REXO1: variants seen among roughly 807,000 people sequenced by gnomAD.
REXO1 encodes REX1, RNA exonuclease 1 homolog.
REXO1 carries 42 observed loss-of-function variants against 102.6 expected under a neutral mutation model. The observed-to-expected ratio is 0.41, with a 90% confidence interval of 0.32 to 0.53. REXO1 has a LOEUF of 0.53. Ranked by LOEUF, REXO1 falls within the 20% of genes least tolerant of loss-of-function variation. The probability of loss-of-function intolerance (pLI) is 0.27; values close to 1 mark genes in which losing one functional copy is unlikely to be tolerated. For missense variants in REXO1, 1,819 were observed against 1,732.5 expected (o/e 1.05, Z -0.89); for synonymous variants, 908 against 779.1 (o/e 1.17, Z -2.76).
At chr19:1,832,419 G>A (rs968276592) in intron 1 of REXO1, among the ~76,000 whole-genome samples, 1 of 152,228 alleles carries the variant, frequency 6.6e-6, no homozygotes, top group Admixed American at 6.5e-5. Flanking sequence ...CTGTACCTGC[G>A]AAGGCGGAAG....
intron 13 of REXO1, 44 bp downstream of exon 13, chr19:1,816,654 G>T: frequency 6.2e-7 from 1 of 1,603,650 alleles, no homozygotes; most frequent in South Asian, 1.1e-5. Flanking sequence ...CCTGGGGAGA[G>T]GCGGCTGGGA....
chr19:1,826,610 G>A lies in REXO1; in HGVS notation c.1911+268C>T, dbSNP rs545499421. On this transcript the variant is annotated intron_variant, in intron 2 of 15. Coordinates refer to ENST00000170168, the MANE Select transcript of REXO1 (RefSeq NM_020695.4). The surrounding 1 kb of genome is among the most constrained non-coding windows in gnomAD (Gnocchi z 4.3). ...GCCAATATCCCCCTGCCAGTCAGTGGGAACAGACCGTGTGCACGTGGCCAC... is the reference window on the plus strand; with the variant it reads ...GCCAATATCCCCCTGCCAGTCAGTGAGAACAGACCGTGTGCACGTGGCCAC... Among the ~76,000 whole-genome samples the A allele has an allele frequency of 6.6e-6, 1 of 152,166 alleles. No individual in the cohort carries two copies. Among genetic ancestry groups the A allele is most frequent in the South Asian group, 2.1e-4 (1 of 4,828 alleles).
rs757223930 is a variant in REXO1 at position 1,827,688 on chromosome 19, A to G, written c.1101T>C (p.Asp367=). Residue 367 remains aspartate (D), a synonymous_variant, in exon 2 of 16, where the codon GAT becomes GAC. Transcript: ENST00000170168. ...ASPAQVQSSQ[D]GGCPKEGKPK... ...GTTTTCCCTCCTTGGGGCAGCCCCC[A>G]TCCTGTGAGGACTGGACCTGGGCTG... 1.3e-6 allele frequency: 2 copies of G among 1,567,138 alleles called. No individual in the cohort carries two copies. The highest frequency in any genetic ancestry group is 2.8e-5 in the African/African-American group (2 of 72,390).
intron 1 of REXO1, among the ~76,000 whole-genome samples, chr19:1,831,873 A>T (rs2069914521): frequency 6.7e-6 from 1 of 148,794 alleles, no homozygotes; most frequent in African/African-American, 2.5e-5. Flanking sequence ...AAAAAGAAAG[A>T]AAAAGAAAAA....
chr19:1,835,389 CA>C (rs1483939250), intron 1 of REXO1, among the ~76,000 whole-genome samples: 5 of 151,002 alleles, frequency 3.3e-5, no homozygotes, highest in Non-Finnish European at 7.4e-5. Flanking sequence ...CTAAAAAATA[CA>C]AAAAAAAATT....
rs1390397711 is a variant in REXO1, at chr19:1,826,383, T to TCGGGAGG, written c.1912-441_1912-440insCCTCCCG. 7.4e-6 allele frequency among the ~76,000 whole-genome samples: 1 copy of TCGGGAGG among 135,994 alleles called. No homozygotes were observed. Among genetic ancestry groups the TCGGGAGG allele is most frequent in the African/African-American group, 2.8e-5 (1 of 35,402 alleles). The allele number at this position is 135,994 out of a possible 152,430, so 89.2% of individuals were successfully genotyped here. A position where few individuals can be genotyped will look rare whatever the true frequency, so the allele number is the denominator to read the frequency against. ...GAGCAAGAGCTCGCCACGCTGGGAGTAGGGAGGAGGGAGGGGAGGAGAAAG... is the reference window on the plus strand; with the variant it reads ...GAGCAAGAGCTCGCCACGCTGGGAGTCGGGAGGAGGGAGGAGGGAGGGGAGGAGAAAG... On this transcript the variant is annotated intron_variant, in intron 2 of 15. Coordinates refer to ENST00000170168, the MANE Select transcript of REXO1 (RefSeq NM_020695.4). This position sits in a 1 kb window ranked among gnomAD's most constrained non-coding sequence, Gnocchi z 4.3.
At position 1,827,650 on chromosome 19, in the gene REXO1, T is replaced by A; in HGVS notation, c.1139A>T (p.Lys380Ile). ...GCTGGGGGCAGGTGGGGCCCCGGTT[T>A]TTTTCTTCTTGGGTTTTCCCTCCTT... is the stretch of plus-strand genomic sequence containing the variant. The part of the protein sequence containing the change: ...CPKEGKPKKK[K>I]TGAPPAPSCK... The change falls in exon 2 of 16, where the codon AAA becomes ATA. Residue 380 changes from lysine (K) to isoleucine (I), a missense_variant. Transcript: ENST00000170168. 1.3e-6 allele frequency: 2 copies of A among 1,569,392 alleles called. No individual in the cohort carries two copies. The highest frequency in any genetic ancestry group is 1.7e-6 in the Non-Finnish European group (2 of 1,171,726).
chr19:1,819,156 G>A (rs768812711), intron 7 of REXO1, 25 bp from the exon 8 acceptor site: 6 of 1,534,902 alleles, frequency 3.9e-6, no homozygotes, highest in Non-Finnish European at 5.3e-6. Flanking sequence ...GGGAGGGGAG[G>A]AGGGTGTGAA....
chr19:1,836,854 C>T (rs1394528871), intron 1 of REXO1, among the ~76,000 whole-genome samples: 2 of 152,182 alleles, frequency 1.3e-5, no homozygotes, highest in Non-Finnish European at 2.9e-5. Flanking sequence ...CAGGACTGGC[C>T]CCTCCAGCCC....
Position 1,817,602 on chromosome 19 carries a change from G to A in REXO1, c.3090+105C>T, listed in dbSNP as rs577097284. The A allele has an allele frequency of 4.1e-5, 59 of 1,451,372 alleles. No homozygotes were observed. In the South Asian group the frequency reaches 4.7e-4, roughly 12 times the overall value. 89.9% of individuals were successfully genotyped at this position (1,451,372 alleles called of 1,614,324 possible). ...ACAAGAAAGGCTGCCCGGGGGCCCAGACCCTGAGCCCAGGACTGTGCTGTG... is the reference window on the plus strand; with the variant it reads ...ACAAGAAAGGCTGCCCGGGGGCCCAAACCCTGAGCCCAGGACTGTGCTGTG... On this transcript the variant is annotated intron_variant, in intron 11 of 15. Coordinates refer to ENST00000170168, the MANE Select transcript of REXO1 (RefSeq NM_020695.4).
intron 1 of REXO1, among the ~76,000 whole-genome samples, chr19:1,842,899 G>GC (rs1230692988): frequency 3.3e-5 from 5 of 152,236 alleles, no homozygotes; most frequent in African/African-American, 4.8e-5. Flanking sequence ...ACACGGACAG[G>GC]CCCCCAGGCC....
intron 11 of REXO1, 90 bp from the exon 12 acceptor site, chr19:1,817,419 C>T: frequency 1.3e-6 from 2 of 1,549,322 alleles, no homozygotes; most frequent in Non-Finnish European, 1.7e-6. Context: ...CCTTCGGGAC[C>T]ATCCTATCCA....
chr19:1,838,150 T>C (rs903008320), intron 1 of REXO1, among the ~76,000 whole-genome samples: 2 of 152,000 alleles, frequency 1.3e-5, no homozygotes, highest in Non-Finnish European at 2.9e-5. Context: ...GGAAACCCCG[T>C]CCCTACTAAA....
At chr19:1,819,585 A>AG (rs1305400469) in intron 7 of REXO1, among the ~76,000 whole-genome samples, 2 of 152,214 alleles carry the variant, frequency 1.3e-5, no homozygotes, top group Non-Finnish European at 2.9e-5. Flanking sequence ...TGAAACGCCC[A>AG]GGTCTCCGCT....
intron 1 of REXO1, among the ~76,000 whole-genome samples, chr19:1,838,713 G>C (rs1389083295): frequency 6.6e-6 from 1 of 150,940 alleles, no homozygotes; most frequent in Admixed American, 6.6e-5. Context: ...CAAAGGACAA[G>C]AACCGGCAGG....
Position 1,827,126 on chromosome 19 carries a change from C to G in REXO1, c.1663G>C (p.Asp555His). The G allele has an allele frequency of 3.2e-6, 5 of 1,542,342 alleles. No individual in the cohort carries two copies. Among genetic ancestry groups the G allele is most frequent in the Non-Finnish European group, 4.4e-6 (5 of 1,146,146 alleles). ...SLSSDSDSDSDSSLGFPEAQG... is the reference protein window; with the variant it reads ...SLSSDSDSDSHSSLGFPEAQG... ...GCCTCCGGGAAGCCCAGGCTGGAGT[C>G]TGAGTCGGAGTCTGAGTCCGAGCTG... Residue 555 changes from aspartate to histidine, a missense_variant, in exon 2 of 16, where the codon GAC (aspartate) becomes CAC (histidine). Coordinates refer to ENST00000170168, the MANE Select transcript of REXO1 (RefSeq NM_020695.4).
Position 1,816,551 on chromosome 19 carries a change from C to T in REXO1, c.3336G>A (p.Glu1112=), listed in dbSNP as rs2069369092. ...TGACACTTGTGTCGGCAAGGTCAGC[C>T]TCCGTCACCCCCGAAAACCTGGGGG... is the stretch of plus-strand genomic sequence containing the variant. ...DYNTRFSGVT[E]ADLADTSVTL... is the part of the protein sequence containing the mutation. The change falls in exon 14 of 16, where the codon GAG becomes GAA. Residue 1112 remains glutamate, a synonymous_variant. Transcript: ENST00000170168. 5.6e-6 allele frequency: 9 copies of T among 1,610,734 alleles called. No individual in the cohort carries two copies. Among genetic ancestry groups the T allele is most frequent in the Non-Finnish European group, 7.6e-6 (9 of 1,178,628 alleles).
chr19:1,818,642 GCATGCCC>G (rs1568681579), intron 9 of REXO1, 47 bp from the exon 10 acceptor site: 1 of 1,606,284 alleles, frequency 6.2e-7, no homozygotes, highest in African/African-American at 1.3e-5. Context: ...GCTGGGGCCC[GCATGCCC>G]GGCCTTGCCC....
At chr19:1,821,834 T>C (rs1238983145) in intron 4 of REXO1, 152 bp from the exon 5 acceptor site, 2 of 680,310 alleles carry the variant, frequency 2.9e-6, no homozygotes, top group African/African-American at 1.9e-5. Flanking sequence ...GGCTGCGCAA[T>C]GGCATCAGGC....
Sources: gnomAD v4.1 joint callset for allele counts (sites outside exome capture counted in the v4.1 genomes callset) on GRCh38, gnomAD v4.1.1 for gene constraint, Gnocchi (gnomAD v3.1) non-coding constraint, MANE v1.5 for transcripts, NCBI Gene and HGNC (gene_info 2026-07-23, HGNC 2026-07-21) for gene names.